Variants in ZFHX3 observed in about 807,000 individuals in gnomAD.
ZFHX3 encodes the protein zinc finger homeobox protein 3.
In ZFHX3, 42 loss-of-function variants were observed where a neutral mutation model predicts 279.1. That is an observed-to-expected ratio of 0.15 (90% CI 0.12 to 0.19). The LOEUF is 0.19. Ranked by LOEUF, ZFHX3 falls within the 10% of genes least tolerant of loss-of-function variation. ZFHX3 has a pLI of 1.00. For synonymous variants in ZFHX3, 2,293 were observed against 1,957.8 expected, an observed-to-expected ratio of 1.17 and a Z score of -4.52; for missense variants, 4,981 against 4,754.0, an observed-to-expected ratio of 1.05 and a Z score of -1.40.
intron 5 of ZFHX3, among the ~76,000 whole-genome samples, chr16:73,201,406 C>G (rs1490452856): frequency 6.6e-6 from 1 of 152,194 alleles, no homozygotes; most frequent in East Asian, 1.9e-4. Context: ...GCATTTTAGT[C>G]TATGAATTAA....
chr16:73,174,500 TTTC>T (rs1967615594), intron 5 of ZFHX3, among the ~76,000 whole-genome samples: 1 of 152,118 alleles, frequency 6.6e-6, no homozygotes, highest in African/African-American at 2.4e-5. Flanking sequence ...GTTCACGTGT[TTTC>T]TTTTTGCATC....
chr16:73,669,245 G>A (rs558638365), intron 2 of ZFHX3, among the ~76,000 whole-genome samples: 3 of 152,048 alleles, frequency 2.0e-5, no homozygotes, highest in Admixed American at 6.5e-5. Flanking sequence ...GTAGAGATGG[G>A]GTTTCACCAT....
intron 4 of ZFHX3, among the ~76,000 whole-genome samples, chr16:73,261,651 TA>T (rs2013827214): frequency 6.8e-6 from 1 of 147,168 alleles, no homozygotes; most frequent in Non-Finnish European, 1.5e-5. Flanking sequence ...TGTATAAATA[TA>T]AACATTCCTG....
intron 1 of ZFHX3, among the ~76,000 whole-genome samples, chr16:73,775,489 T>A (rs1959223734): frequency 6.6e-6 from 1 of 152,190 alleles, no homozygotes; most frequent in African/African-American, 2.4e-5. Context: ...AACCCTCATT[T>A]CAGACGGACT....
At chr16:73,777,176 C>T (rs1230974666) in intron 1 of ZFHX3, among the ~76,000 whole-genome samples, 3 of 152,016 alleles carry the variant, frequency 2.0e-5, no homozygotes, top group African/African-American at 4.8e-5. Context: ...CCCTGTCCTC[C>T]GCCACTCCCT....
rs763776503 is a variant in ZFHX3, at chr16:72,959,538, G to A, written c.608C>T (p.Ser203Phe). 6.2e-7 allele frequency: 1 copy of A among 1,614,262 alleles called. No individual in the cohort carries two copies. Among genetic ancestry groups the A allele is most frequent in the East Asian group, 2.2e-5 (1 of 44,876 alleles). Residue 203 changes from serine (S) to phenylalanine (F), a missense_variant, in exon 2 of 10, where the codon TCC (serine) becomes TTC (phenylalanine). Ser to Phe is a radical substitution (Grantham distance 155, BLOSUM62 -2). Around this residue, in one of 7 missense-constraint regions of ZFHX3, gnomAD observed 1,068 missense variants for 935.2 expected, o/e 1.14. Coordinates refer to ENST00000268489, the MANE Select transcript of ZFHX3 (RefSeq NM_006885.4). ...TGGGCCCTCAAACCATTTCCCGAAGGATGAGGCTATGTGGAAAGTGTTGAT... is the reference window on the plus strand; with the variant it reads ...TGGGCCCTCAAACCATTTCCCGAAGAATGAGGCTATGTGGAAAGTGTTGAT... The part of the protein sequence containing the change: ...QIINTFHIAS[S>F]FGKWFEGPDQ...
intron 3 of ZFHX3, among the ~76,000 whole-genome samples, chr16:73,324,591 T>C (rs2015643466): frequency 6.6e-6 from 1 of 152,208 alleles, no homozygotes; most frequent in Non-Finnish European, 1.5e-5. Flanking sequence ...GAAAGTGGGT[T>C]AAGAAAGCTG....
intron 3 of ZFHX3, among the ~76,000 whole-genome samples, chr16:73,383,969 G>A (rs1304282373): frequency 6.6e-6 from 1 of 152,172 alleles, no homozygotes; most frequent in Admixed American, 6.5e-5. Flanking sequence ...CATTTTAAAG[G>A]CCTCCCAAAT....
chr16:73,444,261 T>C (rs2018143887), intron 3 of ZFHX3, among the ~76,000 whole-genome samples: 1 of 152,234 alleles, frequency 6.6e-6, no homozygotes, highest in African/African-American at 2.4e-5. Flanking sequence ...TACACAGAGC[T>C]CTGATCCCTT....
chr16:72,958,547 G>A lies in ZFHX3; in HGVS notation c.1599C>T (p.Ser533=). 1.2e-6 allele frequency: 2 copies of A among 1,614,086 alleles called. No homozygotes were observed. Among genetic ancestry groups the A allele is most frequent in the Non-Finnish European group, 1.7e-6 (2 of 1,180,026 alleles). Residue 533 remains serine (S), a synonymous_variant, in exon 2 of 10, where the codon TCC becomes TCT. Transcript: ENST00000268489. ...LALSNQSISN[S]PLMPNVLQTL... ...TCTGGAGCACGTTAGGCATTAAGGG[G>A]GAGTTAGAAATGCTTTGGTTTGAGA...
intron 3 of ZFHX3, among the ~76,000 whole-genome samples, chr16:72,931,795 C>T (rs988333869): frequency 3.9e-5 from 6 of 152,096 alleles, no homozygotes; most frequent in African/African-American, 1.2e-4. Context: ...CTGTGGTTTT[C>T]GATACAAATG....
At chr16:73,125,302 T>C (rs1428749712) in intron 7 of ZFHX3, 1 of 146,342 alleles carries the variant, frequency 6.8e-6, no homozygotes, top group Non-Finnish European at 1.5e-5. Flanking sequence ...AGAGCAAACA[T>C]TGACATGGAA....
intron 5 of ZFHX3, among the ~76,000 whole-genome samples, chr16:73,207,102 G>T (rs74028091): frequency 6.6e-6 from 1 of 151,136 alleles, no homozygotes; most frequent in South Asian, 2.1e-4. Flanking sequence ...TATTTATGCA[G>T]AATGGTAACA....
chr16:73,040,283 G>T (rs1168871566), intron 1 of ZFHX3, among the ~76,000 whole-genome samples: 2 of 152,116 alleles, frequency 1.3e-5, no homozygotes, highest in African/African-American at 4.8e-5. Flanking sequence ...GACAGGCGAG[G>T]CCAAGACAGG....
At chr16:72,976,562 G>A (rs1016572279) in intron 1 of ZFHX3, among the ~76,000 whole-genome samples, 3 of 152,182 alleles carry the variant, frequency 2.0e-5, no homozygotes, top group East Asian at 1.9e-4. Context: ...TCTCAGTAGC[G>A]TCCAGGCAGG....
chr16:72,843,995 T>A (rs1244459677), intron 4 of ZFHX3, among the ~76,000 whole-genome samples: 1 of 151,932 alleles, frequency 6.6e-6, no homozygotes, highest in Admixed American at 6.6e-5. Flanking sequence ...CACAGCTCTC[T>A]CTCCCCCTCT....
At chr16:73,023,320 T>C (rs1964375120) in intron 1 of ZFHX3, among the ~76,000 whole-genome samples, 1 of 152,080 alleles carries the variant, frequency 6.6e-6, no homozygotes, top group Non-Finnish European at 1.5e-5. Flanking sequence ...CTGTGCAACC[T>C]CCGCACAGAG....
intron 2 of ZFHX3, among the ~76,000 whole-genome samples, chr16:72,953,975 GA>G (rs1961121337): frequency 6.6e-6 from 1 of 152,228 alleles, no homozygotes; most frequent in African/African-American, 2.4e-5. Flanking sequence ...ATGCCTCAGA[GA>G]AACAAGCCCA....
At position 73,533,206 on chromosome 16, in the gene ZFHX3, C is replaced by T. The variant is rs117974987; in HGVS notation, c.-1546-76948G>A. Among the ~76,000 whole-genome samples the T allele has an allele frequency of 2.1e-3, 320 of 151,978 alleles. 13 individuals carry two copies. In the East Asian group the frequency reaches 0.028, roughly 13 times the overall value. On this transcript the variant is annotated intron_variant, in intron 2 of 17. Coordinates refer to the ZFHX3 transcript ENST00000641206. ...AAACCATCAATGCCTCTTCCCCATC[C>T]TCACTTTTTGCGGAGGGCTTGGCTT...
Sources: gnomAD v4.1 joint callset for allele counts (sites outside exome capture counted in the v4.1 genomes callset) on GRCh38, gnomAD v4.1.1 for gene constraint, gnomAD v4.1.1 regional missense constraint, MANE v1.5 for transcripts, NCBI Gene and HGNC (gene_info 2026-07-23, HGNC 2026-07-21) for gene names.